Variants in RPH3AL observed in about 807,000 individuals in gnomAD.
RPH3AL encodes rabphilin 3A like (without C2 domains), also known as rab effector Noc2.
In RPH3AL, 38 loss-of-function variants were observed where a neutral mutation model predicts 43.1. That is an observed-to-expected ratio of 0.88 (90% CI 0.68 to 1.15). RPH3AL has a LOEUF of 1.15. Ranked by LOEUF, RPH3AL falls within the 50% of genes most tolerant of loss-of-function variation. The probability of loss-of-function intolerance (pLI) is 0.00; values close to 1 mark genes in which losing one functional copy is unlikely to be tolerated. For missense variants in RPH3AL, 462 were observed against 423.2 expected (o/e 1.09, Z -0.81); for synonymous variants, 189 against 176.3 (o/e 1.07, Z -0.57).
intron 5 of RPH3AL, among the ~76,000 whole-genome samples, chr17:298,299 G>A (rs2151633297): frequency 6.6e-6 from 1 of 152,198 alleles, no homozygotes; most frequent in African/African-American, 2.4e-5. Context: ...TAGAGCACCG[G>A]CCTCTCTGAT....
rs752975458 is a variant in RPH3AL at position 322,036 on chromosome 17, G to A, written c.78-621C>T. ...CATGTAATTAGGGTGAAGACACAGC[G>A]TTGATATGAACACTTTGAAAACTAG... On this transcript the variant is annotated intron_variant, in intron 3 of 9. Coordinates refer to ENST00000331302, the MANE Select transcript of RPH3AL (RefSeq NM_006987.4). The surrounding 1 kb of genome is among the most constrained non-coding windows in gnomAD (Gnocchi z 4.0). Among the ~76,000 whole-genome samples the A allele has an allele frequency of 3.9e-4, 60 of 152,306 alleles. No individual in the cohort carries two copies. The highest frequency in any genetic ancestry group is 7.8e-4 in the Admixed American group (12 of 15,300).
chr17:231,347 C>T (rs925293136), intron 7 of RPH3AL, among the ~76,000 whole-genome samples: 1 of 152,184 alleles, frequency 6.6e-6, no homozygotes, highest in South Asian at 2.1e-4. Context: ...CCTGTCTAGC[C>T]CAGGAGCAAC....
At chr17:329,951 C>T (rs2044711075) in intron 2 of RPH3AL, among the ~76,000 whole-genome samples, 1 of 152,242 alleles carries the variant, frequency 6.6e-6, no homozygotes, top group Admixed American at 6.5e-5. Context: ...TCTGAAACCA[C>T]ATCAATGAAC....
chr17:299,250 C>T (rs1253162215), intron 5 of RPH3AL, among the ~76,000 whole-genome samples: 9 of 151,992 alleles, frequency 5.9e-5, no homozygotes, highest in Admixed American at 2.6e-4. Context: ...CTGCAGGGCC[C>T]GAATGCCGCT....
At chr17:223,734 G>A (rs1413445531) in intron 7 of RPH3AL, among the ~76,000 whole-genome samples, 1 of 152,160 alleles carries the variant, frequency 6.6e-6, no homozygotes, top group Non-Finnish European at 1.5e-5. Flanking sequence ...TAGATCCAGA[G>A]GCTTCTGGAA....
chr17:304,653 C>T (rs547738407), intron 5 of RPH3AL, among the ~76,000 whole-genome samples: 4 of 152,156 alleles, frequency 2.6e-5, no homozygotes, highest in South Asian at 2.1e-4. Context: ...CCGAACCAGC[C>T]GGAGGCCACA....
chr17:247,099 G>A lies in RPH3AL; in HGVS notation c.613+12C>T. 6.2e-7 allele frequency: 1 copy of A among 1,614,106 alleles called. No homozygotes were observed. The highest frequency in any genetic ancestry group is 1.1e-5 in the South Asian group (1 of 91,092). ...TACAGGCCATCCTGGGAGAGAGGCA[G>A]AGGGGACTTACCTCTTCCTCGGGCC... is the stretch of plus-strand genomic sequence containing the variant. On this transcript the variant is annotated intron_variant, in intron 7 of 9. Coordinates refer to ENST00000331302, the MANE Select transcript of RPH3AL (RefSeq NM_006987.4).
intron 2 of RPH3AL, among the ~76,000 whole-genome samples, chr17:329,452 G>A (rs1037098474): frequency 6.6e-6 from 1 of 152,046 alleles, no homozygotes; most frequent in Non-Finnish European, 1.5e-5. Context: ...CTCCAGCCTG[G>A]GCAAAAAGAG....
chr17:317,412 C>A (rs1373841087), intron 5 of RPH3AL, among the ~76,000 whole-genome samples: 4 of 151,528 alleles, frequency 2.6e-5, no homozygotes, highest in Non-Finnish European at 4.4e-5. Context: ...CTTGTAGTCT[C>A]TGTGCTCCAC....
At chr17:301,974 T>C (rs998887607) in intron 5 of RPH3AL, among the ~76,000 whole-genome samples, 13 of 152,136 alleles carry the variant, frequency 8.5e-5, no homozygotes, top group Non-Finnish European at 1.5e-4. Flanking sequence ...GCACAGCGGC[T>C]CTCAGAAGCA....
At chr17:280,294 G>A (rs1367021701) in intron 6 of RPH3AL, among the ~76,000 whole-genome samples, 1 of 152,114 alleles carries the variant, frequency 6.6e-6, no homozygotes, top group Non-Finnish European at 1.5e-5. Flanking sequence ...GCTGTTGAGG[G>A]GATTTTCCAC....
intron 5 of RPH3AL, among the ~76,000 whole-genome samples, chr17:298,718 A>AG (rs2043244087): frequency 6.6e-6 from 1 of 152,050 alleles, no homozygotes; most frequent in Admixed American, 6.6e-5. Context: ...AAAAAAAAAA[A>AG]ACTCCCAGCC....
intron 3 of RPH3AL, 146 bp from the exon 4 acceptor site, chr17:321,561 T>C (rs975786782): frequency 1.4e-5 from 10 of 699,786 alleles, no homozygotes; most frequent in Admixed American, 1.2e-4. Context: ...GCAGCAGAGA[T>C]GGCCCAGGTG....
At chr17:342,555 C>T (rs1345640907) in intron 1 of RPH3AL, among the ~76,000 whole-genome samples, 1 of 152,204 alleles carries the variant, frequency 6.6e-6, no homozygotes, top group East Asian at 1.9e-4. Flanking sequence ...ATTCATGCTA[C>T]AACACAGACA....
At chr17:321,164 A>T (rs1232970203) in intron 4 of RPH3AL, 108 bp downstream of exon 4, 2 of 1,374,342 alleles carry the variant, frequency 1.5e-6, no homozygotes, top group Non-Finnish European at 1.0e-6. Context: ...ACCCACTCCC[A>T]GAGGTAAATA....
intron 5 of RPH3AL, among the ~76,000 whole-genome samples, chr17:308,051 G>C (rs567885653): frequency 5.7e-4 from 87 of 152,330 alleles, no homozygotes; most frequent in African/African-American, 2.1e-3. Context: ...CTTTTTCCGG[G>C]AATTTAGGAA....
Position 333,578 on chromosome 17 carries a change from T to C in RPH3AL, c.-37+181A>G, listed in dbSNP as rs957620944. 1.0e-5 allele frequency: 3 copies of C among 288,984 alleles called. No individual in the cohort carries two copies. The highest frequency in any genetic ancestry group is 6.5e-5 in the African/African-American group (3 of 46,248). The allele number at this position is 288,984 out of a possible 1,614,324, so 17.9% of individuals were successfully genotyped here. A position where few individuals can be genotyped will look rare whatever the true frequency, so the allele number is the denominator to read the frequency against. The stretch of plus-strand genomic sequence containing the variant: ...TATGATTTTAAACTATAACTTAGTA[T>C]TCTGAATACAATACGTTTTACCATC... On this transcript the variant is annotated intron_variant, in intron 2 of 9. Coordinates refer to ENST00000331302, the MANE Select transcript of RPH3AL (RefSeq NM_006987.4). This position sits in a 1 kb window ranked among gnomAD's most constrained non-coding sequence, Gnocchi z 4.5.
Position 273,601 on chromosome 17 carries a change from G to T in RPH3AL, c.438+8167C>A, listed in dbSNP as rs375547073. Among the ~76,000 whole-genome samples, 2 of 100,928 alleles carry T rather than the reference G, an allele frequency of 2.0e-5. 1 individual carries two copies. Among genetic ancestry groups the T allele is most frequent in the African/African-American group, 5.6e-5 (2 of 35,844 alleles). The allele number at this position is 100,928 out of a possible 152,430, so 66.2% of individuals were successfully genotyped here. A position where few individuals can be genotyped will look rare whatever the true frequency, so the allele number is the denominator to read the frequency against. On this transcript the variant is annotated intron_variant, in intron 6 of 9. Coordinates refer to ENST00000331302, the MANE Select transcript of RPH3AL (RefSeq NM_006987.4). Reference sequence around the variant, plus strand: ...GTCAGGGTGAGACCCCGGCGAGGGCGACGTCAGGAAGAGACCCCAGCGAGG... The same window carrying T: ...GTCAGGGTGAGACCCCGGCGAGGGCTACGTCAGGAAGAGACCCCAGCGAGG...
rs953653845 is a variant in RPH3AL, at chr17:333,933, C to T, written c.-211G>A. The T allele has an allele frequency of 6.6e-6, 1 of 152,334 alleles. No individual in the cohort carries two copies. Among genetic ancestry groups the T allele is most frequent in the Non-Finnish European group, 1.5e-5 (1 of 68,182 alleles). The allele number at this position is 152,334 out of a possible 1,614,324, so 9.4% of individuals were successfully genotyped here. A position where few individuals can be genotyped will look rare whatever the true frequency, so the allele number is the denominator to read the frequency against. ...GATGGTTTCAATAAGGCAGACGATC[C>T]TCTATTCGCAAAAAAATAAATAAAT... On this transcript the variant is annotated splice_region_variant and 5_prime_UTR_variant, in exon 2 of 10. Transcript: ENST00000331302. This position sits in a 1 kb window ranked among gnomAD's most constrained non-coding sequence, Gnocchi z 4.5.
Sources: allele counts gnomAD v4.1 joint callset (sites outside exome capture counted in the v4.1 genomes callset), GRCh38; gene constraint gnomAD v4.1.1; non-coding constraint Gnocchi (gnomAD v3.1); transcripts MANE v1.5; gene names NCBI Gene and HGNC (gene_info 2026-07-23, HGNC 2026-07-21).